The following BBLN variants were observed in gnomAD, a reference collection of about 807,000 sequenced individuals.
BBLN encodes bublin coiled coil protein.
BBLN carries 6 observed loss-of-function variants against 7.6 expected under a neutral mutation model. The ratio of observed to expected loss-of-function variants is 0.79; its 90% CI spans 0.43 to 1.55. BBLN has a LOEUF of 1.55. BBLN is among the 40% of genes most tolerant of loss of function. The pLI, the probability that BBLN is intolerant of heterozygous loss-of-function variation, is 0.01. For missense variants in BBLN, 100 were observed against 111.1 expected (o/e 0.90, Z 0.45); for synonymous variants, 35 against 46.7 (o/e 0.75, Z 1.02).
At position 128,160,990 on chromosome 9, in the gene BBLN, C is replaced by T. The variant is rs1829248612; in HGVS notation, c.79+504C>T. Among the ~76,000 whole-genome samples, 3 of 151,722 alleles carry T rather than the reference C, an allele frequency of 2.0e-5. No homozygotes were observed. The South Asian group carries it at 6.2e-4, about 32-fold the overall frequency. The stretch of plus-strand genomic sequence containing the variant: ...AGGGGTGGGGTGTGAAGAGAACCAT[C>T]GGCTCCCTTCTCACCTTCTTCAGCC... On this transcript the variant is annotated intron_variant, in intron 1 of 1. Transcript: ENST00000372994.
chr9:128,163,903 C>T lies in BBLN; in HGVS notation c.*288C>T. ...CCACTCTGCCCAGGCCTTGAGTGTC[C>T]ACATTAAATGGGTCTCCCACACCGC... On this transcript the variant is annotated 3_prime_UTR_variant, in exon 2 of 2. Coordinates refer to ENST00000372994, the MANE Select transcript of BBLN (RefSeq NM_024112.4). The surrounding 1 kb of genome is among the most constrained non-coding windows in gnomAD (Gnocchi z 5.7). 2.5e-6 allele frequency: 1 copy of T among 395,866 alleles called. No individual in the cohort carries two copies. The highest frequency in any genetic ancestry group is 4.6e-6 in the Non-Finnish European group (1 of 219,634). The allele number at this position is 395,866 out of a possible 1,614,324, so 24.5% of individuals were successfully genotyped here. A position where few individuals can be genotyped will look rare whatever the true frequency, so the allele number is the denominator to read the frequency against.
chr9:128,163,310 C>A lies in BBLN; in HGVS notation c.80-133C>A. On this transcript the variant is annotated intron_variant, in intron 1 of 1. Transcript: ENST00000372994. The surrounding 1 kb of genome is among the most constrained non-coding windows in gnomAD (Gnocchi z 5.7). The stretch of plus-strand genomic sequence containing the variant: ...ATTCCACCCATTTTCCAGACGGTGA[C>A]ACTGAGGCTCAGGAAGCAGTAGGGA... 2.8e-6 allele frequency: 2 copies of A among 712,422 alleles called. No homozygotes were observed. Among genetic ancestry groups the A allele is most frequent in the Non-Finnish European group, 4.4e-6 (2 of 457,834 alleles). 44.1% of individuals were successfully genotyped at this position (712,422 alleles called of 1,614,324 possible).
Position 128,163,371 on chromosome 9 carries a change from C to A in BBLN, c.80-72C>A. ...GCCCTTTGGGAAGCAGGCTGGGAAA[C>A]AGTGGAGGGAGGGTGTCCATTAGCC... On this transcript the variant is annotated intron_variant, in intron 1 of 1. Coordinates refer to ENST00000372994, the MANE Select transcript of BBLN (RefSeq NM_024112.4). This position sits in a 1 kb window ranked among gnomAD's most constrained non-coding sequence, Gnocchi z 5.7. The A allele has an allele frequency of 7.3e-7, 1 of 1,374,982 alleles. No homozygotes were observed. Among genetic ancestry groups the A allele is most frequent in the Non-Finnish European group, 9.7e-7 (1 of 1,026,316 alleles). The allele number at this position is 1,374,982 out of a possible 1,614,324, so 85.2% of individuals were successfully genotyped here.
intron 1 of BBLN, among the ~76,000 whole-genome samples, chr9:128,161,644 T>C (rs1362828458): frequency 2.3e-5 from 3 of 131,408 alleles, no homozygotes; most frequent in South Asian, 2.2e-4. Context: ...CTGTCTGAGC[T>C]TTTTTTTTTT....
rs148128033 is a variant in BBLN at position 128,163,553 on chromosome 9, C to T, written c.190C>T (p.Arg64Trp). ...ARLQELLESN[R>W]QTRLEFQQQL... ...CCTCCAGGAGCTGCTGGAGTCCAAC[C>T]GGCAGACACGCCTGGAGTTCCAGCA... Residue 64 changes from arginine to tryptophan, a missense_variant, in exon 2 of 2, where the codon CGG becomes TGG. Transcript: ENST00000372994. This position sits in a 1 kb window ranked among gnomAD's most constrained non-coding sequence, Gnocchi z 5.7. 7 of 1,608,466 alleles carry T rather than the reference C, an allele frequency of 4.4e-6. No individual in the cohort carries two copies. The Admixed American group carries it at 5.0e-5, about 12-fold the overall frequency.
intron 1 of BBLN, among the ~76,000 whole-genome samples, chr9:128,161,643 C>CTTT (rs60529484): frequency 1.5e-4 from 22 of 144,260 alleles, no homozygotes; most frequent in African/African-American, 5.1e-4. Context: ...CCTGTCTGAG[C>CTTT]TTTTTTTTTT....
intron 1 of BBLN, 50 bp downstream of exon 1, chr9:128,160,536 C>A: frequency 8.7e-7 from 1 of 1,150,204 alleles, no homozygotes; most frequent in African/African-American, 1.6e-5. Context: ...GGGCTGCCCT[C>A]CCGGGAAGGG....
intron 1 of BBLN, chr9:128,161,993 CTTT>C (rs1364756787): frequency 1.3e-5 from 2 of 152,112 alleles, no homozygotes; most frequent in Admixed American, 6.6e-5. Flanking sequence ...TTTATTTTCC[CTTT>C]TTTCCAGAAA....
intron 1 of BBLN, among the ~76,000 whole-genome samples, chr9:128,161,269 AC>A (rs1829252086): frequency 4.6e-5 from 1 of 21,532 alleles, no homozygotes; most frequent in Non-Finnish European, 3.2e-3. Context: ...ATTGAGCTAT[AC>A]AACTTACCCA....
chr9:128,163,312 C>A lies in BBLN; in HGVS notation c.80-131C>A. The stretch of plus-strand genomic sequence containing the variant: ...TCCACCCATTTTCCAGACGGTGACA[C>A]TGAGGCTCAGGAAGCAGTAGGGACT... On this transcript the variant is annotated intron_variant, in intron 1 of 1. Coordinates refer to ENST00000372994, the MANE Select transcript of BBLN (RefSeq NM_024112.4). This position sits in a 1 kb window ranked among gnomAD's most constrained non-coding sequence, Gnocchi z 5.7. 1.3e-6 allele frequency: 1 copy of A among 746,746 alleles called. No individual in the cohort carries two copies. 46.3% of individuals were successfully genotyped at this position (746,746 alleles called of 1,614,324 possible). A position where few individuals can be genotyped will look rare whatever the true frequency, so the allele number is the denominator to read the frequency against.
At chr9:128,160,548 A>G in intron 1 of BBLN, 62 bp downstream of exon 1, 1 of 1,068,270 alleles carries the variant, frequency 9.4e-7, no homozygotes, top group Non-Finnish European at 1.3e-6. Context: ...CGGGAAGGGG[A>G]ATCGAGATGG....
intron 1 of BBLN, among the ~76,000 whole-genome samples, chr9:128,161,593 A>G (rs1358915948): frequency 1.3e-5 from 2 of 151,870 alleles, no homozygotes; most frequent in East Asian, 3.9e-4. Context: ...CGAAATATTG[A>G]TAATAATGAC....
chr9:128,160,568 A>G, intron 1 of BBLN, 82 bp downstream of exon 1: 1 of 943,842 alleles, frequency 1.1e-6, no homozygotes. Flanking sequence ...GGGTCTCGGA[A>G]GGGAACAAAG....
rs1484107972 is a variant in BBLN at position 128,163,101 on chromosome 9, TGAATGCCCAACTCAG to T, written c.80-336_80-322del. On this transcript the variant is annotated intron_variant, in intron 1 of 1. Coordinates refer to ENST00000372994, the MANE Select transcript of BBLN (RefSeq NM_024112.4). The surrounding 1 kb of genome is among the most constrained non-coding windows in gnomAD (Gnocchi z 5.7). ...AGGGCCCATCTGGGGACAGAGGCCTTGAATGCCCAACTCAGGAATGTGGGCTCTGGCCACTAAGCA... is the reference window on the plus strand; with the variant it reads ...AGGGCCCATCTGGGGACAGAGGCCTTGAATGTGGGCTCTGGCCACTAAGCA... 1 of 186,050 alleles carries T rather than the reference TGAATGCCCAACTCAG, an allele frequency of 5.4e-6. No homozygotes were observed. The highest frequency in any genetic ancestry group is 1.1e-5 in the Non-Finnish European group (1 of 90,060). 11.5% of individuals were successfully genotyped at this position (186,050 alleles called of 1,614,324 possible). A position where few individuals can be genotyped will look rare whatever the true frequency, so the allele number is the denominator to read the frequency against.
chr9:128,161,481 ACTGGGAAGTAC>A (rs1356100340), intron 1 of BBLN, among the ~76,000 whole-genome samples: 7 of 152,190 alleles, frequency 4.6e-5, no homozygotes, highest in Non-Finnish European at 1.0e-4. Context: ...AAGGCTTGGA[ACTGGGAAGTAC>A]CCTTGACACA....
At chr9:128,162,596 CAG>C (rs1829267173) in intron 1 of BBLN, 2 of 152,342 alleles carry the variant, frequency 1.3e-5, no homozygotes, top group Non-Finnish European at 2.9e-5. Flanking sequence ...GCTGGAAAGT[CAG>C]AGGCTTCATT....
Position 128,163,387 on chromosome 9 carries a change from T to G in BBLN, c.80-56T>G, listed in dbSNP as rs1829274076. On this transcript the variant is annotated intron_variant, in intron 1 of 1. Transcript: ENST00000372994. The surrounding 1 kb of genome is among the most constrained non-coding windows in gnomAD (Gnocchi z 5.7). ...GCTGGGAAACAGTGGAGGGAGGGTG[T>G]CCATTAGCCCCAAGGAGACACAGGA... 3 of 1,435,268 alleles carry G rather than the reference T, an allele frequency of 2.1e-6. No homozygotes were observed. Among genetic ancestry groups the G allele is most frequent in the Non-Finnish European group, 1.9e-6 (2 of 1,076,802 alleles). The allele number at this position is 1,435,268 out of a possible 1,614,324, so 88.9% of individuals were successfully genotyped here.
intron 1 of BBLN, 122 bp downstream of exon 1, chr9:128,160,608 G>C (rs903362794): frequency 1.4e-6 from 1 of 733,202 alleles, no homozygotes; most frequent in African/African-American, 1.9e-5. Context: ...GAGCGGGTCC[G>C]GAGTTGTAGG....
Position 128,163,463 on chromosome 9 carries a change from A to G in BBLN, c.100A>G (p.Met34Val). The G allele has an allele frequency of 1.3e-6, 2 of 1,586,796 alleles. No individual in the cohort carries two copies. Among genetic ancestry groups the G allele is most frequent in the Non-Finnish European group, 1.7e-6 (2 of 1,164,030 alleles). ...GEAEYAAINS[M>V]LDQINSCLDH... ...CCCAGAATACGCTGCCATCAACTCC[A>G]TGCTGGACCAGATCAACTCCTGTCT... The change falls in exon 2 of 2, where the codon ATG (methionine) becomes GTG (valine). Residue 34 changes from methionine to valine, a missense_variant. Coordinates refer to ENST00000372994, the MANE Select transcript of BBLN (RefSeq NM_024112.4). The surrounding 1 kb of genome is among the most constrained non-coding windows in gnomAD (Gnocchi z 5.7).
Sources: allele counts gnomAD v4.1 joint callset (sites outside exome capture counted in the v4.1 genomes callset), GRCh38; gene constraint gnomAD v4.1.1; non-coding constraint Gnocchi (gnomAD v3.1); transcripts MANE v1.5; gene names NCBI Gene and HGNC (gene_info 2026-07-23, HGNC 2026-07-21).